Variants in PHIP observed in about 807,000 individuals in gnomAD.
PHIP encodes the protein PH-interacting protein.
A neutral mutation model predicts 236.8 loss-of-function variants in PHIP; 54 were observed. The observed-to-expected ratio is 0.23, with a 90% confidence interval of 0.18 to 0.29. PHIP has a LOEUF of 0.29. PHIP is among the 10% of genes least tolerant of loss of function. The probability of loss-of-function intolerance (pLI) is 1.00; values close to 1 mark genes in which losing one functional copy is unlikely to be tolerated. For missense variants in PHIP, 1,370 were observed against 2,190.8 expected, an observed-to-expected ratio of 0.63 and a Z score of 7.48; for synonymous variants, 756 against 718.9, an observed-to-expected ratio of 1.05 and a Z score of -0.83.
chr6:79,035,356 C>T (rs1345559308), intron 7 of PHIP, among the ~76,000 whole-genome samples: 1 of 151,994 alleles, frequency 6.6e-6, no homozygotes, highest in African/African-American at 2.4e-5. Context: ...GGCAGCAAGC[C>T]CCCTCTGCTC....
intron 35 of PHIP, among the ~76,000 whole-genome samples, chr6:78,950,999 T>C (rs1314984937): frequency 6.6e-6 from 1 of 152,180 alleles, no homozygotes; most frequent in Non-Finnish European, 1.5e-5. Flanking sequence ...GAAATTTCCC[T>C]GCATTGCTTT....
intron 4 of PHIP, 137 bp from the exon 5 acceptor site, chr6:79,060,955 TAATTAAG>T (rs931662663): frequency 1.1e-5 from 6 of 545,898 alleles, no homozygotes; most frequent in East Asian, 6.2e-5. Context: ...ATCTCCAGAA[TAATTAAG>T]AATTAAGAAC....
intron 4 of PHIP, among the ~76,000 whole-genome samples, chr6:79,062,926 C>T (rs988000596): frequency 6.6e-6 from 1 of 152,168 alleles, no homozygotes; most frequent in African/African-American, 2.4e-5. Flanking sequence ...ACCTGTGCCC[C>T]TTTTTGGACA....
Position 78,986,135 on chromosome 6 carries a change from T to C in PHIP, c.2461-707A>G, listed in dbSNP as rs573059555. ...GAAGGCACATTTATGTTTTATTTAT[T>C]ATAGGCACATTTATGTTTTACTTAT... On this transcript the variant is annotated intron_variant, in intron 21 of 39. Coordinates refer to ENST00000275034, the MANE Select transcript of PHIP (RefSeq NM_017934.7). Among the ~76,000 whole-genome samples, 7 of 152,342 alleles carry C rather than the reference T, an allele frequency of 4.6e-5. No homozygotes were observed. In the East Asian group the frequency reaches 1.2e-3, roughly 25 times the overall value.
chr6:79,077,635 GGCGGCGCA>G lies in PHIP; in HGVS notation c.129+57_129+64del, dbSNP rs1774246243. 6.6e-6 allele frequency: 6 copies of G among 909,066 alleles called. No individual in the cohort carries two copies. In the South Asian group the frequency reaches 3.0e-4, roughly 45 times the overall value. 56.3% of individuals were successfully genotyped at this position (909,066 alleles called of 1,614,324 possible). A position where few individuals can be genotyped will look rare whatever the true frequency, so the allele number is the denominator to read the frequency against. On this transcript the variant is annotated intron_variant, in intron 3 of 39. Transcript: ENST00000275034. Reference sequence around the variant, plus strand: ...CCCGCGCCCTGCCGGCGGCGGCAGCGGCGGCGCAGCGGCCCAGAGGCGGCCGCGCGGCG... The same window carrying G: ...CCCGCGCCCTGCCGGCGGCGGCAGCGGCGGCCCAGAGGCGGCCGCGCGGCG...
intron 31 of PHIP, 51 bp downstream of exon 31, chr6:78,961,639 G>A (rs780991608): frequency 1.1e-5 from 18 of 1,588,092 alleles, no homozygotes; most frequent in Non-Finnish European, 1.5e-5. Context: ...GTAAATGGGT[G>A]GAAAGATCAC....
intron 20 of PHIP, among the ~76,000 whole-genome samples, chr6:78,989,517 T>C (rs1005271977): frequency 1.3e-5 from 2 of 152,072 alleles, no homozygotes; most frequent in African/African-American, 4.8e-5. Flanking sequence ...ATCCTTGAAA[T>C]CGAAAATAAC....
Position 79,060,591 on chromosome 6 carries a change from TA to T in PHIP, c.341-16del. 4 of 1,611,824 alleles carry T rather than the reference TA, an allele frequency of 2.5e-6. No homozygotes were observed. Among genetic ancestry groups the T allele is most frequent in the Non-Finnish European group, 2.5e-6 (3 of 1,178,570 alleles). On this transcript the variant is annotated splice_polypyrimidine_tract_variant and intron_variant, in intron 5 of 39. Coordinates refer to ENST00000275034, the MANE Select transcript of PHIP (RefSeq NM_017934.7). ...ATGCTTGCAGCCTATTAAACACATG[TA>T]TTTTTATGCATACAAAGAACACAAA...
chr6:79,017,650 T>A, intron 10 of PHIP, 67 bp from the exon 11 acceptor site: 1 of 1,177,964 alleles, frequency 8.5e-7, no homozygotes, highest in African/African-American at 1.5e-5. Context: ...AATTAGATAA[T>A]AAAATGTAAG....
intron 15 of PHIP, among the ~76,000 whole-genome samples, chr6:79,013,255 A>G (rs1167707498): frequency 6.6e-6 from 1 of 151,784 alleles, no homozygotes; most frequent in African/African-American, 2.4e-5. Context: ...ATTAAACATC[A>G]TACAAAAAAT....
chr6:78,990,740 C>A, intron 20 of PHIP, 128 bp downstream of exon 20: 1 of 500,674 alleles, frequency 2.0e-6, no homozygotes, highest in Non-Finnish European at 3.5e-6. Context: ...CAGAGATAAC[C>A]AAGATTTACT....
At chr6:79,013,133 T>C (rs1472432905) in intron 15 of PHIP, among the ~76,000 whole-genome samples, 2 of 151,740 alleles carry the variant, frequency 1.3e-5, no homozygotes, top group Non-Finnish European at 3.0e-5. Flanking sequence ...ATCTCTGTAA[T>C]GTACAGTTTC....
intron 20 of PHIP, among the ~76,000 whole-genome samples, chr6:78,989,001 A>G (rs1303886007): frequency 6.6e-6 from 1 of 152,226 alleles, no homozygotes; most frequent in Non-Finnish European, 1.5e-5. Flanking sequence ...TCTGCAGATG[A>G]GAATACAACC....
chr6:79,023,451 A>AGAATAGGAAAGAATATAG (rs1211219952), intron 9 of PHIP, among the ~76,000 whole-genome samples: 1 of 152,184 alleles, frequency 6.6e-6, no homozygotes, highest in African/African-American at 2.4e-5. Context: ...TTAAGGGACA[A>AGAATAGGAAAGAATATAG]GAATAGGAAA....
chr6:79,059,312 C>T (rs932559442), intron 6 of PHIP, among the ~76,000 whole-genome samples: 1 of 151,712 alleles, frequency 6.6e-6, no homozygotes, highest in African/African-American at 2.4e-5. Context: ...TTTCCAGAAT[C>T]TAAGCAAGAC....
At chr6:79,023,688 G>A (rs1004775165) in intron 9 of PHIP, among the ~76,000 whole-genome samples, 1 of 151,974 alleles carries the variant, frequency 6.6e-6, no homozygotes, top group South Asian at 2.1e-4. Context: ...CTGTATTAGG[G>A]TAGTGGTTTA....
intron 23 of PHIP, among the ~76,000 whole-genome samples, chr6:78,979,016 T>C (rs1158891688): frequency 1.3e-5 from 2 of 152,120 alleles, no homozygotes; most frequent in Admixed American, 1.3e-4. Context: ...TAGTAGGTAT[T>C]ATAAATAATC....
At chr6:78,945,540 C>A (rs779126858) in intron 38 of PHIP, 43 bp from the exon 39 acceptor site, 5 of 1,218,716 alleles carry the variant, frequency 4.1e-6, no homozygotes, top group Non-Finnish European at 4.7e-6. Flanking sequence ...AGTTATTGAA[C>A]CTAAAGATAA....
intron 20 of PHIP, among the ~76,000 whole-genome samples, chr6:78,990,225 A>G (rs978377019): frequency 2.0e-5 from 3 of 152,170 alleles, no homozygotes; most frequent in Admixed American, 6.5e-5. Flanking sequence ...AAGGCTCTGA[A>G]GCTTTCAAGC....
Sources: gnomAD v4.1 joint callset for allele counts (sites outside exome capture counted in the v4.1 genomes callset) on GRCh38, gnomAD v4.1.1 for gene constraint, MANE v1.5 for transcripts, NCBI Gene and HGNC (gene_info 2026-07-23, HGNC 2026-07-21) for gene names.